DAAM1: variants seen among roughly 807,000 people sequenced by gnomAD.
DAAM1 encodes disheveled-associated activator of morphogenesis 1.
DAAM1 carries 52 observed loss-of-function variants against 130.0 expected under a neutral mutation model. The observed-to-expected ratio is 0.40, with a 90% CI of 0.32 to 0.50. The LOEUF (loss-of-function observed/expected upper bound fraction) is 0.50, where lower values mean the gene tolerates loss of function less well. Ranked by LOEUF, DAAM1 falls within the 20% of genes least tolerant of loss-of-function variation. The pLI is 0.61. For synonymous variants in DAAM1, 452 were observed against 444.5 expected (o/e 1.02, Z -0.21); for missense variants, 1,134 against 1,303.8 (o/e 0.87, Z 2.01).
chr14:59,359,421 C>A lies in DAAM1; in HGVS notation c.2550C>A (p.Leu850=), dbSNP rs765052906. The change falls in exon 21 of 25, where the codon CTC becomes CTA. Residue 850 remains leucine (L), a synonymous_variant. Coordinates refer to ENST00000360909, the MANE Select transcript of DAAM1 (RefSeq NM_001270520.2). ...IDKNITLLHY[L]ITIVENKYPS... ...GAAACATTACCCTTTTGCACTATCT[C>A]ATCACTATTGTGGAAAATAAGTACC... 23 of 1,613,398 alleles carry A rather than the reference C, an allele frequency of 1.4e-5. No individual in the cohort carries two copies. Among genetic ancestry groups the A allele is most frequent in the African/African-American group, 4.0e-5 (3 of 74,916 alleles).
intron 1 of DAAM1, among the ~76,000 whole-genome samples, chr14:59,189,856 C>G (rs139823789): frequency 1.3e-5 from 2 of 152,302 alleles, no homozygotes; most frequent in East Asian, 3.9e-4. Context: ...GCGGAGCTAC[C>G]TCTCGCCCCA....
At chr14:59,269,656 C>T (rs1882622397) in intron 2 of DAAM1, among the ~76,000 whole-genome samples, 1 of 152,206 alleles carries the variant, frequency 6.6e-6, no homozygotes, top group Non-Finnish European at 1.5e-5. Flanking sequence ...GTGCTGTTCA[C>T]TAACACCTAC....
intron 1 of DAAM1, among the ~76,000 whole-genome samples, chr14:59,230,401 T>A (rs78121042): frequency 6.6e-6 from 1 of 152,232 alleles, no homozygotes; most frequent in East Asian, 1.9e-4. Flanking sequence ...GGGCTGGGTT[T>A]CTTTCTATCC....
At chr14:59,363,896 T>G in intron 23 of DAAM1, 114 bp downstream of exon 23, 1 of 1,445,038 alleles carries the variant, frequency 6.9e-7, no homozygotes, top group South Asian at 1.3e-5. Context: ...AACTTCGTGG[T>G]GCAGGAAATA....
intron 1 of DAAM1, among the ~76,000 whole-genome samples, chr14:59,201,569 T>C (rs921559422): frequency 6.6e-6 from 1 of 151,980 alleles, no homozygotes; most frequent in Non-Finnish European, 1.5e-5. Flanking sequence ...TGAACCAAGA[T>C]TGTGTTCCTG....
chr14:59,231,920 G>A (rs1010796559), intron 1 of DAAM1, among the ~76,000 whole-genome samples: 1 of 152,152 alleles, frequency 6.6e-6, no homozygotes, highest in Non-Finnish European at 1.5e-5. Flanking sequence ...TCTTTGGGAG[G>A]TAATTTTATG....
chr14:59,210,313 A>G (rs1189928549), intron 1 of DAAM1, among the ~76,000 whole-genome samples: 2 of 152,246 alleles, frequency 1.3e-5, no homozygotes, highest in Non-Finnish European at 2.9e-5. Context: ...AAGCTATCAC[A>G]TGGTATTTTT....
chr14:59,218,951 A>G (rs924593038), intron 1 of DAAM1, among the ~76,000 whole-genome samples: 10 of 152,218 alleles, frequency 6.6e-5, no homozygotes, highest in Non-Finnish European at 1.3e-4. Flanking sequence ...GGACTGTATT[A>G]CAAGCCATAT....
At chr14:59,230,780 G>A (rs1187231201) in intron 1 of DAAM1, among the ~76,000 whole-genome samples, 4 of 149,124 alleles carry the variant, frequency 2.7e-5, no homozygotes, top group African/African-American at 9.8e-5. Context: ...GGTGGGAGGG[G>A]TACTCCATTC....
chr14:59,211,885 CAT>C (rs1323943713), intron 1 of DAAM1, among the ~76,000 whole-genome samples: 1 of 152,184 alleles, frequency 6.6e-6, no homozygotes, highest in Non-Finnish European at 1.5e-5. Context: ...AATATTCAAA[CAT>C]ATTTTTCTCA....
intron 2 of DAAM1, 91 bp downstream of exon 2, chr14:59,263,751 A>T (rs755473610): frequency 6.5e-7 from 1 of 1,526,776 alleles, no homozygotes; most frequent in African/African-American, 1.4e-5. Context: ...TTTGACATGG[A>T]CTTTTCCTTT....
chr14:59,309,378 C>T (rs1185954928), intron 3 of DAAM1, among the ~76,000 whole-genome samples: 1 of 152,184 alleles, frequency 6.6e-6, no homozygotes, highest in African/African-American at 2.4e-5. Flanking sequence ...TGGGCAAATT[C>T]CAAACACTTT....
intron 3 of DAAM1, among the ~76,000 whole-genome samples, chr14:59,312,923 A>G (rs1284765489): frequency 6.6e-6 from 1 of 152,238 alleles, no homozygotes; most frequent in African/African-American, 2.4e-5. Flanking sequence ...TTAAAACAGT[A>G]GTCAGTGCAG....
At chr14:59,349,885 A>C (rs1410122568) in intron 17 of DAAM1, among the ~76,000 whole-genome samples, 2 of 152,112 alleles carry the variant, frequency 1.3e-5, no homozygotes. Flanking sequence ...TATTCTGAAC[A>C]GGGGACAAGT....
chr14:59,229,520 C>T lies in DAAM1; in HGVS notation c.-37-33921C>T, dbSNP rs118074297. On this transcript the variant is annotated intron_variant, in intron 1 of 24. Coordinates refer to ENST00000360909, the MANE Select transcript of DAAM1 (RefSeq NM_001270520.2). Reference sequence around the variant, plus strand: ...GTAGGTAAAACCAAGAATAAACATACAAACAAGATTAAAATGAAGACCCAC... The same window carrying T: ...GTAGGTAAAACCAAGAATAAACATATAAACAAGATTAAAATGAAGACCCAC... Among the ~76,000 whole-genome samples the T allele has an allele frequency of 1.2e-4, 18 of 152,300 alleles. No homozygotes were observed. In the East Asian group the frequency reaches 2.7e-3, roughly 23 times the overall value.
chr14:59,283,898 T>G (rs1184783045), intron 2 of DAAM1, among the ~76,000 whole-genome samples: 1 of 152,136 alleles, frequency 6.6e-6, no homozygotes, highest in African/African-American at 2.4e-5. Flanking sequence ...GCAGGCAATG[T>G]GGAACTAATA....
chr14:59,351,619 T>A (rs1310431413), intron 17 of DAAM1, among the ~76,000 whole-genome samples: 1 of 152,072 alleles, frequency 6.6e-6, no homozygotes, highest in Non-Finnish European at 1.5e-5. Context: ...TCTCTGCTGA[T>A]GACACCCAGA....
intron 1 of DAAM1, among the ~76,000 whole-genome samples, chr14:59,258,206 G>T (rs988547327): frequency 3.9e-5 from 6 of 152,212 alleles, no homozygotes; most frequent in Non-Finnish European, 5.9e-5. Flanking sequence ...TGATGAAATG[G>T]ATGGATATGA....
intron 3 of DAAM1, among the ~76,000 whole-genome samples, chr14:59,298,190 A>G (rs940209735): frequency 2.6e-5 from 4 of 152,206 alleles, no homozygotes; most frequent in South Asian, 2.1e-4. Context: ...CTCTGTCTCA[A>G]TGGTTGTGGT....
Sources: gnomAD v4.1 joint callset for allele counts (sites outside exome capture counted in the v4.1 genomes callset) on GRCh38, gnomAD v4.1.1 for gene constraint, MANE v1.5 for transcripts, NCBI Gene and HGNC (gene_info 2026-07-23, HGNC 2026-07-21) for gene names.